Variants in WDR49 observed in about 807,000 individuals in gnomAD.
WDR49 encodes the protein WD repeat domain 49.
WDR49 carries 107 observed loss-of-function variants against 119.5 expected under a neutral mutation model. That is an observed-to-expected ratio of 0.90 (90% confidence interval 0.77 to 1.05). The LOEUF is 1.05. WDR49 is among the 50% of genes least tolerant of loss of function. The probability of loss-of-function intolerance (pLI) is 0.00; values close to 1 mark genes in which losing one functional copy is unlikely to be tolerated. For synonymous variants in WDR49, 425 were observed against 418.8 expected (o/e 1.01, Z -0.18); for missense variants, 1,240 against 1,220.5 (o/e 1.02, Z -0.24).
At chr3:167,487,044 C>A (rs141580621) in intron 18 of WDR49, among the ~76,000 whole-genome samples, 6 of 151,842 alleles carry the variant, frequency 4.0e-5, no homozygotes, top group Admixed American at 3.9e-4. Context: ...TCACATTGGA[C>A]CAAAAATAAA....
intron 12 of WDR49, among the ~76,000 whole-genome samples, chr3:167,532,267 T>G (rs1036157669): frequency 3.3e-5 from 5 of 152,248 alleles, no homozygotes; most frequent in Admixed American, 3.3e-4. Context: ...GACATTTTCA[T>G]TACCAAAATA....
At chr3:167,552,751 C>T (rs542110108) in intron 10 of WDR49, among the ~76,000 whole-genome samples, 25 of 151,992 alleles carry the variant, frequency 1.6e-4, no homozygotes, top group Admixed American at 7.2e-4. Flanking sequence ...AATTAGATAA[C>T]GTGTATAAAG....
intron 15 of WDR49, among the ~76,000 whole-genome samples, chr3:167,525,210 C>T (rs561645746): frequency 4.1e-4 from 63 of 152,068 alleles, no homozygotes; most frequent in African/African-American, 1.3e-3. Context: ...CTCTGCTTGT[C>T]TATTATTGGT....
intron 8 of WDR49, among the ~76,000 whole-genome samples, chr3:167,562,387 A>C (rs1221225720): frequency 6.6e-6 from 1 of 152,142 alleles, no homozygotes; most frequent in Admixed American, 6.5e-5. Flanking sequence ...ATTTAGCAAC[A>C]TGTGTATCTC....
chr3:167,516,774 C>G (rs1433005830), intron 16 of WDR49, among the ~76,000 whole-genome samples: 1 of 152,076 alleles, frequency 6.6e-6, no homozygotes, highest in South Asian at 2.1e-4. Flanking sequence ...TCAGAGTGAA[C>G]AGGCAACCTA....
At chr3:167,521,160 C>T (rs1391757585) in intron 16 of WDR49, among the ~76,000 whole-genome samples, 1 of 151,860 alleles carries the variant, frequency 6.6e-6, no homozygotes, top group African/African-American at 2.4e-5. Flanking sequence ...AGAAGTTAAA[C>T]CAGGAGTTGT....
chr3:167,585,409 T>C (rs964119976), intron 7 of WDR49, among the ~76,000 whole-genome samples: 3 of 151,530 alleles, frequency 2.0e-5, no homozygotes, highest in African/African-American at 7.3e-5. Context: ...TGTGTGTGTG[T>C]GTGTGTGTGT....
intron 5 of WDR49, among the ~76,000 whole-genome samples, chr3:167,616,079 C>T (rs192058543): frequency 8.5e-5 from 13 of 152,288 alleles, no homozygotes; most frequent in Admixed American, 8.5e-4. Context: ...CAGAATTAAA[C>T]TGAAATATGC....
intron 7 of WDR49, among the ~76,000 whole-genome samples, chr3:167,594,138 G>T (rs187567073): frequency 3.9e-5 from 6 of 152,282 alleles, no homozygotes; most frequent in Admixed American, 2.0e-4. Context: ...GTGGAGTGCT[G>T]CTATAAAGAT....
chr3:167,615,073 AAAC>A (rs1284065580), intron 5 of WDR49, among the ~76,000 whole-genome samples: 3 of 152,212 alleles, frequency 2.0e-5, no homozygotes, highest in Non-Finnish European at 4.4e-5. Context: ...ACTGAGCTTC[AAAC>A]AACAACAGAA....
At chr3:167,606,991 A>C (rs954118295) in intron 5 of WDR49, among the ~76,000 whole-genome samples, 1 of 152,176 alleles carries the variant, frequency 6.6e-6, no homozygotes, top group Admixed American at 6.5e-5. Context: ...CAGCCATGTA[A>C]AAATATGATT....
At chr3:167,567,682 AC>A (rs539301200) in intron 8 of WDR49, among the ~76,000 whole-genome samples, 2 of 151,770 alleles carry the variant, frequency 1.3e-5, no homozygotes, top group Non-Finnish European at 2.9e-5. Flanking sequence ...GGCCCTCATG[AC>A]CCCCCTTGTC....
intron 18 of WDR49, among the ~76,000 whole-genome samples, chr3:167,492,538 A>T (rs1751183377): frequency 6.6e-6 from 1 of 152,128 alleles, no homozygotes; most frequent in African/African-American, 2.4e-5. Flanking sequence ...GGGCATTACC[A>T]ATAAATAAAA....
rs150703647 is a variant in WDR49 at position 167,527,307 on chromosome 3, C to G, written c.2604+513G>C. 3.2e-3 allele frequency among the ~76,000 whole-genome samples: 482 copies of G among 152,176 alleles called. 4 individuals are homozygous for G. Among genetic ancestry groups the G allele is most frequent in the East Asian group, 0.031 (162 of 5,176 alleles). ...ATTGTGAAGATTAAATGAGTTAATT[C>G]TTGAAAAACATCTTAGAACAGTACC... On this transcript the variant is annotated intron_variant, in intron 15 of 18. Transcript: ENST00000682715.
At chr3:167,649,477 G>C (rs192511063) in intron 2 of WDR49, among the ~76,000 whole-genome samples, 19 of 152,236 alleles carry the variant, frequency 1.2e-4, no homozygotes, top group Admixed American at 3.9e-4. Context: ...CTGTTGAGGT[G>C]TTTTGGGAAT....
rs909792902 is a variant in WDR49, at chr3:167,620,369, G to T, written c.958+60C>A. 1.8e-5 allele frequency: 26 copies of T among 1,422,132 alleles called. No homozygotes were observed. In the African/African-American group the frequency reaches 3.6e-4, roughly 20 times the overall value. 88.1% of individuals were successfully genotyped at this position (1,422,132 alleles called of 1,614,324 possible). ...TTTTGTGTGAAGCATTTTCATCAAA[G>T]AATATAAATGTACAAGTCAGAGGTG... On this transcript the variant is annotated intron_variant, in intron 5 of 18. Transcript: ENST00000682715.
intron 11 of WDR49, among the ~76,000 whole-genome samples, chr3:167,534,084 A>G (rs753716078): frequency 6.6e-6 from 1 of 151,998 alleles, no homozygotes; most frequent in Non-Finnish European, 1.5e-5. Context: ...AATCCCAGCT[A>G]CTAGGGAGGC....
At chr3:167,653,551 C>T in intron 1 of WDR49, 52 bp from the exon 2 acceptor site, 1 of 1,168,612 alleles carries the variant, frequency 8.6e-7, no homozygotes. Context: ...AAAGTACAAA[C>T]CTTTCAAGGC....
At chr3:167,604,851 T>C (rs1255916231) in intron 5 of WDR49, among the ~76,000 whole-genome samples, 13 of 152,138 alleles carry the variant, frequency 8.5e-5, no homozygotes, top group African/African-American at 2.4e-4. Context: ...AAGCAGAAAG[T>C]AGGTCCCCAC....
Sources: gnomAD v4.1 joint callset for allele counts (sites outside exome capture counted in the v4.1 genomes callset) on GRCh38, gnomAD v4.1.1 for gene constraint, MANE v1.5 for transcripts, NCBI Gene and HGNC (gene_info 2026-07-23, HGNC 2026-07-21) for gene names.